The following PRMT3 variants were observed in gnomAD, a reference collection of about 807,000 sequenced individuals.
The protein encoded by PRMT3 is protein arginine N-methyltransferase 3.
Under a neutral mutation model 71.9 loss-of-function variants are expected in PRMT3, and 62 were observed. The observed-to-expected ratio is 0.86, with a 90% CI of 0.70 to 1.07. The LOEUF is 1.07. Among genes scored for constraint, PRMT3 ranks in the 50% least tolerant of loss-of-function variants. The probability of loss-of-function intolerance (pLI) is 0.00; values close to 1 mark genes in which losing one functional copy is unlikely to be tolerated. For synonymous variants in PRMT3, 213 were observed against 220.4 expected (o/e 0.97, Z 0.30); for missense variants, 663 against 643.0 (o/e 1.03, Z -0.34).
At chr11:20,427,406 T>A (rs950034707) in intron 10 of PRMT3, among the ~76,000 whole-genome samples, 6 of 152,234 alleles carry the variant, frequency 3.9e-5, no homozygotes, top group Admixed American at 3.9e-4. Flanking sequence ...CAAGACAGAA[T>A]GTTTATTTTT....
At chr11:20,431,502 G>A (rs868459743) in intron 10 of PRMT3, among the ~76,000 whole-genome samples, 5 of 152,032 alleles carry the variant, frequency 3.3e-5, no homozygotes, top group African/African-American at 7.2e-5. Flanking sequence ...ACTCATGAGC[G>A]AGCTACTACA....
intron 9 of PRMT3, among the ~76,000 whole-genome samples, chr11:20,425,839 G>T (rs186593513): frequency 6.6e-6 from 1 of 152,008 alleles, no homozygotes; most frequent in Non-Finnish European, 1.5e-5. Context: ...TCTGTTTTTC[G>T]GAATTTAACA....
intron 13 of PRMT3, among the ~76,000 whole-genome samples, chr11:20,479,227 C>A (rs1380149503): frequency 2.0e-5 from 3 of 152,056 alleles, no homozygotes; most frequent in Non-Finnish European, 4.4e-5. Flanking sequence ...TGTAGCTGGG[C>A]TTAGGTGGTG....
At chr11:20,471,944 T>C (rs1565227093) in intron 13 of PRMT3, among the ~76,000 whole-genome samples, 1 of 145,382 alleles carries the variant, frequency 6.9e-6, no homozygotes, top group Admixed American at 6.7e-5. Flanking sequence ...TTCCTAGGTA[T>C]TTTTTTTTGT....
chr11:20,425,800 A>G lies in PRMT3; in HGVS notation c.894-966A>G, dbSNP rs1166435991. 2.6e-5 allele frequency among the ~76,000 whole-genome samples: 4 copies of G among 152,194 alleles called. No individual in the cohort carries two copies. In the East Asian group the frequency reaches 5.8e-4, roughly 22 times the overall value. ...TCTTTGGGGGAAGAGGAAATGTTCTATATATTGATTGTGGTGGTCAACAAA... is the reference window on the plus strand; with the variant it reads ...TCTTTGGGGGAAGAGGAAATGTTCTGTATATTGATTGTGGTGGTCAACAAA... On this transcript the variant is annotated intron_variant, in intron 9 of 15. Coordinates refer to ENST00000331079, the MANE Select transcript of PRMT3 (RefSeq NM_005788.4).
At chr11:20,460,178 G>A (rs1441439309) in intron 11 of PRMT3, among the ~76,000 whole-genome samples, 3 of 152,166 alleles carry the variant, frequency 2.0e-5, no homozygotes, top group Admixed American at 6.5e-5. Context: ...GGAAATAAAC[G>A]TTAGGAGGAA....
At chr11:20,446,801 A>G (rs1033972960) in intron 10 of PRMT3, among the ~76,000 whole-genome samples, 7 of 152,262 alleles carry the variant, frequency 4.6e-5, no homozygotes, top group South Asian at 2.1e-4. Flanking sequence ...TACCCATTCT[A>G]TGGCAAATAA....
chr11:20,462,754 C>G (rs1850414869), intron 12 of PRMT3, among the ~76,000 whole-genome samples: 1 of 151,970 alleles, frequency 6.6e-6, no homozygotes, highest in Admixed American at 6.6e-5. Context: ...CATGGGTTCA[C>G]TAATAACTTT....
intron 13 of PRMT3, among the ~76,000 whole-genome samples, chr11:20,475,735 C>T (rs558312604): frequency 1.3e-5 from 2 of 150,170 alleles, no homozygotes; most frequent in East Asian, 4.0e-4. Context: ...CTCACTGCCA[C>T]CTCAACCTCC....
chr11:20,467,794 TA>T (rs1185661906), intron 13 of PRMT3, among the ~76,000 whole-genome samples: 1 of 152,240 alleles, frequency 6.6e-6, no homozygotes, highest in African/African-American at 2.4e-5. Context: ...CCCAGCATGC[TA>T]ACTCTAACGT....
chr11:20,418,637 CTT>C (rs748071655), intron 9 of PRMT3, among the ~76,000 whole-genome samples: 3 of 152,052 alleles, frequency 2.0e-5, no homozygotes, highest in Non-Finnish European at 4.4e-5. Context: ...ACATTTTTCT[CTT>C]TTAAAAGAAG....
rs1437713718 is a variant in PRMT3, at chr11:20,400,692, TGTA to T, written c.706-2223_706-2221del. Among the ~76,000 whole-genome samples the T allele has an allele frequency of 3.9e-5, 6 of 152,286 alleles. No homozygotes were observed. The East Asian group carries it at 1.2e-3, about 29-fold the overall frequency. On this transcript the variant is annotated intron_variant, in intron 7 of 15. Transcript: ENST00000331079. Reference sequence around the variant, plus strand: ...TACTGTTGCTTGTGTATGTAAAATTTGTAGTATATAACTTTTTTCTTTACCTTC... The same window carrying T: ...TACTGTTGCTTGTGTATGTAAAATTTGTATATAACTTTTTTCTTTACCTTC...
At chr11:20,475,901 C>G (rs777470040) in intron 13 of PRMT3, among the ~76,000 whole-genome samples, 109 of 151,650 alleles carry the variant, frequency 7.2e-4, no homozygotes, top group Non-Finnish European at 1.3e-3. Flanking sequence ...GTCTTGAACT[C>G]CAGACCTCAG....
Position 20,470,984 on chromosome 11 carries a change from T to C in PRMT3, c.1347+6438T>C, listed in dbSNP as rs192862589. Among the ~76,000 whole-genome samples the C allele has an allele frequency of 3.4e-3, 516 of 152,312 alleles. 1 individual carries two copies. Among genetic ancestry groups the C allele is most frequent in the African/African-American group, 0.012 (480 of 41,568 alleles). On this transcript the variant is annotated intron_variant, in intron 13 of 15. Coordinates refer to ENST00000331079, the MANE Select transcript of PRMT3 (RefSeq NM_005788.4). ...GTTTTGATTTACGTTTCTCTAATGATCAGTAATGTTGAGCTTTTTTTCCAT... is the reference window on the plus strand; with the variant it reads ...GTTTTGATTTACGTTTCTCTAATGACCAGTAATGTTGAGCTTTTTTTCCAT...
intron 9 of PRMT3, among the ~76,000 whole-genome samples, chr11:20,417,560 T>A (rs970003675): frequency 1.3e-5 from 2 of 152,172 alleles, no homozygotes; most frequent in African/African-American, 4.8e-5. Flanking sequence ...CTAAATCACA[T>A]AGGGAAAATG....
At chr11:20,501,927 G>A (rs1404063978) in intron 15 of PRMT3, among the ~76,000 whole-genome samples, 1 of 152,024 alleles carries the variant, frequency 6.6e-6, no homozygotes, top group Admixed American at 6.6e-5. Context: ...GATAATCTGG[G>A]ATTTTTTTCT....
At chr11:20,449,077 G>A (rs962609748) in intron 10 of PRMT3, among the ~76,000 whole-genome samples, 8 of 152,162 alleles carry the variant, frequency 5.3e-5, no homozygotes, top group Non-Finnish European at 1.2e-4. Context: ...CACATAGGGA[G>A]CCTATCGTAA....
chr11:20,426,576 T>G (rs763596071), intron 9 of PRMT3, among the ~76,000 whole-genome samples, 190 bp from the exon 10 acceptor site: 23 of 152,228 alleles, frequency 1.5e-4, no homozygotes, highest in Non-Finnish European at 3.2e-4. Flanking sequence ...ATTGCCATAT[T>G]AACCACAAAC....
Position 20,388,002 on chromosome 11 carries a change from T to G in PRMT3, c.29-17T>G, listed in dbSNP as rs1848633743. ...CCGGTGTCCGAGGCCGATCTGATTGTTGTGTGTGTGTGTTAGGCGGCCGGG... is the reference window on the plus strand; with the variant it reads ...CCGGTGTCCGAGGCCGATCTGATTGGTGTGTGTGTGTGTTAGGCGGCCGGG... On this transcript the variant is annotated splice_polypyrimidine_tract_variant and intron_variant, in intron 1 of 15. Coordinates refer to ENST00000331079, the MANE Select transcript of PRMT3 (RefSeq NM_005788.4). 1.2e-6 allele frequency: 2 copies of G among 1,612,018 alleles called. No homozygotes were observed. Among genetic ancestry groups the G allele is most frequent in the Non-Finnish European group, 1.7e-6 (2 of 1,178,980 alleles).
Sources: gnomAD v4.1 joint callset for allele counts (sites outside exome capture counted in the v4.1 genomes callset) on GRCh38, gnomAD v4.1.1 for gene constraint, MANE v1.5 for transcripts, NCBI Gene and HGNC (gene_info 2026-07-23, HGNC 2026-07-21) for gene names.